GHR: variants seen among roughly 807,000 people sequenced by gnomAD.
GHR encodes GH receptor.
Under a neutral mutation model 67.1 loss-of-function variants are expected in GHR, and 35 were observed. That is an observed-to-expected ratio of 0.52 (90% CI 0.40 to 0.69). GHR has a LOEUF of 0.69. GHR is among the 30% of genes least tolerant of loss of function. GHR has a pLI of 0.00. For synonymous variants in GHR, 272 were observed against 269.1 expected, an observed-to-expected ratio of 1.01 and a Z score of -0.10; for missense variants, 792 against 764.6, an observed-to-expected ratio of 1.04 and a Z score of -0.42.
chr5:42,524,640 A>G (rs1368103924), intron 1 of GHR, among the ~76,000 whole-genome samples: 2 of 152,214 alleles, frequency 1.3e-5, no homozygotes, highest in African/African-American at 4.8e-5. Context: ...CCCCTAGACC[A>G]TGGGGAAAAT....
At chr5:42,563,640 A>T (rs1170619278) in intron 1 of GHR, among the ~76,000 whole-genome samples, 1 of 150,492 alleles carries the variant, frequency 6.6e-6, no homozygotes, top group African/African-American at 2.4e-5. Flanking sequence ...AAAAAAAAAA[A>T]AAAAAAAAAA....
At chr5:42,464,543 A>G (rs954196423) in intron 1 of GHR, among the ~76,000 whole-genome samples, 1 of 152,200 alleles carries the variant, frequency 6.6e-6, no homozygotes, top group Non-Finnish European at 1.5e-5. Flanking sequence ...GAGAAGAAAC[A>G]GGCAAGTGTG....
intron 1 of GHR, among the ~76,000 whole-genome samples, chr5:42,433,222 T>A (rs1034883854): frequency 5.3e-5 from 8 of 152,208 alleles, no homozygotes; most frequent in African/African-American, 1.9e-4. Context: ...GCATGACATT[T>A]TAATTCTCTT....
chr5:42,474,218 A>G (rs1745138715), intron 1 of GHR, among the ~76,000 whole-genome samples: 3 of 151,008 alleles, frequency 2.0e-5, no homozygotes, highest in African/African-American at 7.3e-5. Context: ...AAAGAGAGAG[A>G]GAGAGAAAGA....
intron 1 of GHR, among the ~76,000 whole-genome samples, chr5:42,512,428 C>T (rs1272863657): frequency 6.6e-6 from 1 of 152,192 alleles, no homozygotes; most frequent in East Asian, 1.9e-4. Flanking sequence ...ATTTTGGAAT[C>T]GATCCAACTA....
chr5:42,498,693 C>T (rs1242787651), intron 1 of GHR, among the ~76,000 whole-genome samples: 1 of 152,160 alleles, frequency 6.6e-6, no homozygotes, highest in African/African-American at 2.4e-5. Flanking sequence ...TGTTCTCTTT[C>T]CTAGATGTTC....
intron 3 of GHR, among the ~76,000 whole-genome samples, chr5:42,631,256 T>C (rs1753915185): frequency 6.6e-6 from 1 of 152,176 alleles, no homozygotes; most frequent in Non-Finnish European, 1.5e-5. Flanking sequence ...TCATGATACG[T>C]AAGACGACTA....
At chr5:42,568,390 A>C (rs1750075581) in intron 2 of GHR, among the ~76,000 whole-genome samples, 1 of 152,186 alleles carries the variant, frequency 6.6e-6, no homozygotes, top group East Asian at 1.9e-4. Context: ...TGCTCCTCAA[A>C]GCCAGTTACA....
chr5:42,496,104 C>G (rs1489348194), intron 1 of GHR, among the ~76,000 whole-genome samples: 1 of 152,138 alleles, frequency 6.6e-6, no homozygotes, highest in East Asian at 1.9e-4. Context: ...CCAGACTGCT[C>G]CTGTGATTCA....
At chr5:42,666,236 T>G (rs1265047010) in intron 3 of GHR, among the ~76,000 whole-genome samples, 4 of 151,684 alleles carry the variant, frequency 2.6e-5, no homozygotes, top group Admixed American at 6.6e-5. Context: ...ATATGCCATT[T>G]TAAATTTTTT....
intron 1 of GHR, among the ~76,000 whole-genome samples, chr5:42,441,784 C>A (rs1339184128): frequency 6.6e-6 from 1 of 152,152 alleles, no homozygotes; most frequent in Non-Finnish European, 1.5e-5. Context: ...GCTGGGATTA[C>A]AGGTGTGAGC....
intron 1 of GHR, among the ~76,000 whole-genome samples, chr5:42,509,850 C>G (rs1746935717): frequency 6.6e-6 from 1 of 152,030 alleles, no homozygotes; most frequent in African/African-American, 2.4e-5. Flanking sequence ...TGCCTGTGCT[C>G]TAGCTGCTAG....
intron 1 of GHR, among the ~76,000 whole-genome samples, chr5:42,474,292 AAAG>A (rs1241435363): frequency 2.0e-4 from 7 of 35,724 alleles, no homozygotes; most frequent in African/African-American, 8.4e-4. Flanking sequence ...AGAAAAAGAG[AAAG>A]AGAAAGAAAG....
intron 2 of GHR, among the ~76,000 whole-genome samples, chr5:42,620,320 T>A (rs918950099): frequency 6.6e-6 from 1 of 152,136 alleles, no homozygotes; most frequent in Non-Finnish European, 1.5e-5. Flanking sequence ...AAGTTAAATA[T>A]TTAGTAATTT....
chr5:42,480,187 T>C (rs1053459099), intron 1 of GHR, among the ~76,000 whole-genome samples: 9 of 152,230 alleles, frequency 5.9e-5, no homozygotes, highest in African/African-American at 1.9e-4. Context: ...TTCCATGTAG[T>C]AGAGCGGTTT....
intron 4 of GHR, among the ~76,000 whole-genome samples, 167 bp from the exon 5 acceptor site, chr5:42,694,750 A>T (rs934207524): frequency 6.6e-6 from 1 of 152,212 alleles, no homozygotes; most frequent in African/African-American, 2.4e-5. Context: ...GACACTGATG[A>T]TACTGTCCAC....
chr5:42,516,530 G>A lies in GHR; in HGVS notation c.-11-49334G>A, dbSNP rs191032967. 7.9e-5 allele frequency among the ~76,000 whole-genome samples: 12 copies of A among 152,218 alleles called. No individual in the cohort carries two copies. The East Asian group carries it at 1.7e-3, about 22-fold the overall frequency. On this transcript the variant is annotated intron_variant, in intron 1 of 9. Transcript: ENST00000230882. ...CTTCTTAGGGTTGTGTGTGGCTCCG[G>A]TAAGATAATACAGGAAAAGAGCTGA...
chr5:42,636,133 C>T (rs1754173066), intron 3 of GHR, among the ~76,000 whole-genome samples: 1 of 149,124 alleles, frequency 6.7e-6, no homozygotes, highest in African/African-American at 2.5e-5. Flanking sequence ...TGGCGTGAAC[C>T]CGGGAGGCGG....
intron 1 of GHR, among the ~76,000 whole-genome samples, chr5:42,553,997 G>T (rs1749174965): frequency 6.6e-6 from 1 of 152,092 alleles, no homozygotes; most frequent in Admixed American, 6.6e-5. Flanking sequence ...CTGCTCAGGT[G>T]GGGGCAACTT....
Sources: allele counts gnomAD v4.1 joint callset (sites outside exome capture counted in the v4.1 genomes callset), GRCh38; gene constraint gnomAD v4.1.1; transcripts MANE v1.5; gene names NCBI Gene and HGNC (gene_info 2026-07-23, HGNC 2026-07-21).